The following IGBP1C variants were observed in gnomAD, a reference collection of about 807,000 sequenced individuals.
IGBP1C encodes the protein immunoglobulin-binding protein 1 family member C.
chr17:58,676,114 G>A, the IGBP1C span, among the ~76,000 whole-genome samples: 3 of 152,128 alleles, frequency 2.0e-5, no homozygotes, highest in East Asian at 1.9e-4. Flanking sequence ...AGTTGCTCAC[G>A]CCTGTGATCC....
chr17:58,678,590 C>T, the IGBP1C span, among the ~76,000 whole-genome samples: 1 of 151,906 alleles, frequency 6.6e-6, no homozygotes, highest in Non-Finnish European at 1.5e-5. Context: ...AACCAAACAC[C>T]GTATGTTCTC....
At chr17:58,686,457 CTT>C in the IGBP1C span, among the ~76,000 whole-genome samples, 1 of 152,104 alleles carries the variant, frequency 6.6e-6, no homozygotes, top group Non-Finnish European at 1.5e-5. Flanking sequence ...TTGGAGGAGA[CTT>C]TGAATTGTCC....
the IGBP1C span, among the ~76,000 whole-genome samples, chr17:58,663,521 T>C: frequency 6.6e-6 from 1 of 151,314 alleles, no homozygotes; most frequent in African/African-American, 2.4e-5. Flanking sequence ...GGCTAGAGTG[T>C]AGTGACATGA....
the IGBP1C span, among the ~76,000 whole-genome samples, chr17:58,682,105 T>C: frequency 6.6e-6 from 1 of 151,830 alleles, no homozygotes; most frequent in Non-Finnish European, 1.5e-5. Flanking sequence ...CACACTACCA[T>C]GTCTGGCTAA....
the IGBP1C span, among the ~76,000 whole-genome samples, chr17:58,666,329 T>C: frequency 0.018 from 2,743 of 150,686 alleles, 38 homozygotes; most frequent in Non-Finnish European, 0.03. Flanking sequence ...GCCTGGAAAA[T>C]AGAGCAAGAC....
At chr17:58,684,008 T>C in the IGBP1C span, among the ~76,000 whole-genome samples, 6 of 152,088 alleles carry the variant, frequency 3.9e-5, no homozygotes, top group Non-Finnish European at 8.8e-5. Flanking sequence ...GAGGTTGCAG[T>C]GAGCCGAGAT....
chr17:58,685,996 CAAAAA>C, the IGBP1C span, among the ~76,000 whole-genome samples: 1 of 82,652 alleles, frequency 1.2e-5, no homozygotes, highest in Non-Finnish European at 2.2e-5. Context: ...CTCTGTCTCA[CAAAAA>C]AAAAAAAAAA....
the IGBP1C span, among the ~76,000 whole-genome samples, chr17:58,666,337 G>C: frequency 4.0e-5 from 6 of 151,630 alleles, no homozygotes; most frequent in East Asian, 1.9e-4. Context: ...AATAGAGCAA[G>C]ACTGTGTCCC....
At chr17:58,668,012 A>G in the IGBP1C span, among the ~76,000 whole-genome samples, 10 of 152,078 alleles carry the variant, frequency 6.6e-5, no homozygotes, top group Admixed American at 5.9e-4. Flanking sequence ...TAGTAAAGGA[A>G]CCCTGCTAAG....
chr17:58,686,168 T>G, the IGBP1C span, among the ~76,000 whole-genome samples: 1 of 151,980 alleles, frequency 6.6e-6, no homozygotes, highest in Non-Finnish European at 1.5e-5. Flanking sequence ...ACACCTTGTC[T>G]TTACAAAAAT....
the IGBP1C span, among the ~76,000 whole-genome samples, chr17:58,675,042 A>T: frequency 6.6e-6 from 1 of 151,784 alleles, no homozygotes; most frequent in Non-Finnish European, 1.5e-5. Context: ...GCTTCTTGGG[A>T]GGCTGAGGCA....
the IGBP1C span, chr17:58,661,747 A>T: frequency 2.0e-5 from 11 of 557,110 alleles, no homozygotes; most frequent in East Asian, 3.3e-4. Context: ...GCATAGGGGA[A>T]GGCAACGGAG....
At chr17:58,684,377 G>T in the IGBP1C span, among the ~76,000 whole-genome samples, 1 of 151,514 alleles carries the variant, frequency 6.6e-6, no homozygotes, top group African/African-American at 2.4e-5. Context: ...CAGGAGAATC[G>T]CTTGAACACG....
At chr17:58,663,108 C>CAA in the IGBP1C span, among the ~76,000 whole-genome samples, 2 of 76,906 alleles carry the variant, frequency 2.6e-5, no homozygotes, top group Non-Finnish European at 5.3e-5. Context: ...GACTCCGTCT[C>CAA]AAAAAAAAAA....
At chr17:58,669,260 A>T in the IGBP1C span, among the ~76,000 whole-genome samples, 2 of 150,268 alleles carry the variant, frequency 1.3e-5, no homozygotes, top group Non-Finnish European at 3.0e-5. Context: ...GCTGAGGCAG[A>T]AGAATGGCTT....
chr17:58,689,688 A>G, the IGBP1C span, among the ~76,000 whole-genome samples: 4 of 152,128 alleles, frequency 2.6e-5, no homozygotes, highest in African/African-American at 9.7e-5. Flanking sequence ...TTACACAAGA[A>G]GGTGCACCTT....
At chr17:58,679,378 G>C in the IGBP1C span, 2 of 152,072 alleles carry the variant, frequency 1.3e-5, no homozygotes, top group Admixed American at 1.3e-4. Flanking sequence ...CAACCACGAG[G>C]GGTGTGAGAC....
the IGBP1C span, chr17:58,691,860 G>A: frequency 2.0e-5 from 3 of 152,276 alleles, no homozygotes; most frequent in East Asian, 3.9e-4. Context: ...TACCACAAAA[G>A]GAGCTCTTGT....
At chr17:58,680,696 G>A in the IGBP1C span, among the ~76,000 whole-genome samples, 98 of 152,052 alleles carry the variant, frequency 6.4e-4, no homozygotes, top group African/African-American at 2.2e-3. Context: ...AGATCACGCC[G>A]CTGCACTCTA....
Sources: allele counts gnomAD v4.1 joint callset (sites outside exome capture counted in the v4.1 genomes callset), GRCh38; gene constraint gnomAD v4.1.1; transcripts MANE v1.5; gene names NCBI Gene and HGNC (gene_info 2026-07-23, HGNC 2026-07-21).